BRD1: variants seen among roughly 807,000 people sequenced by gnomAD.
BRD1 encodes bromodomain containing 1, also known as bromodomain-containing protein 1.
In BRD1, 24 loss-of-function variants were observed where a neutral mutation model predicts 107.7. That is an observed-to-expected ratio of 0.22 (90% CI 0.16 to 0.31). BRD1 has a LOEUF of 0.31. Ranked by LOEUF, BRD1 falls within the 10% of genes least tolerant of loss-of-function variation. BRD1 has a pLI of 1.00. For missense variants in BRD1, 1,279 were observed against 1,638.6 expected (o/e 0.78, Z 3.79); for synonymous variants, 744 against 686.1 (o/e 1.08, Z -1.32).
chr22:49,778,934 T>C (rs1442134693), intron 8 of BRD1, among the ~76,000 whole-genome samples: 2 of 152,210 alleles, frequency 1.3e-5, no homozygotes, highest in African/African-American at 2.4e-5. Flanking sequence ...GTGCTGGGAT[T>C]ACAGGCATGA....
At chr22:49,776,232 TGCA>T in intron 10 of BRD1, 73 bp from the exon 11 acceptor site, 1 of 1,374,400 alleles carries the variant, frequency 7.3e-7, no homozygotes, top group Admixed American at 1.9e-5. Flanking sequence ...CCACAAAAGG[TGCA>T]GCAACAGGGT....
chr22:49,821,760 A>G (rs1351415190), intron 2 of BRD1, among the ~76,000 whole-genome samples: 1 of 152,178 alleles, frequency 6.6e-6, no homozygotes, highest in African/African-American at 2.4e-5. Context: ...CATGTGGGGC[A>G]GGTCTGACAC....
chr22:49,774,328 T>C lies in BRD1; in HGVS notation c.3475A>G (p.Ile1159Val), dbSNP rs761118359. 6.2e-7 allele frequency: 1 copy of C among 1,614,232 alleles called. No individual in the cohort carries two copies. The highest frequency in any genetic ancestry group is 8.5e-7 in the Non-Finnish European group (1 of 1,180,034). ...AAAGCGATCCGCACGGCCTTCCGGA[T>C]GCTGGAATTCCTCCCTTCCATCATC... ...LKMMEGRNSSIRKAVRIAFDR... is the reference protein window; with the variant it reads ...LKMMEGRNSSVRKAVRIAFDR... Residue 1159 changes from isoleucine to valine, a missense_variant, in exon 13 of 13, where the codon ATC becomes GTC. By Grantham distance (29) the Ile-to-Val change is conservative. Transcript: ENST00000404760.
At chr22:49,776,286 C>T in intron 10 of BRD1, 127 bp from the exon 11 acceptor site, 2 of 771,046 alleles carry the variant, frequency 2.6e-6, no homozygotes, top group Non-Finnish European at 4.3e-6. Context: ...CCTTTCTCAG[C>T]CACCCCGGCA....
chr22:49,779,607 C>A (rs2059164875), intron 8 of BRD1, among the ~76,000 whole-genome samples: 1 of 152,158 alleles, frequency 6.6e-6, no homozygotes, highest in South Asian at 2.1e-4. Flanking sequence ...AATTTAAAAA[C>A]CTACAGGAGA....
chr22:49,820,222 G>A (rs191432394), intron 2 of BRD1, among the ~76,000 whole-genome samples: 2 of 152,296 alleles, frequency 1.3e-5, no homozygotes, highest in Non-Finnish European at 2.9e-5. Context: ...CGTCCCTGAA[G>A]GCAGATTCTG....
chr22:49,787,927 G>A (rs1484398927), intron 7 of BRD1, 40 bp from the exon 8 acceptor site: 13 of 1,437,600 alleles, frequency 9.0e-6, no homozygotes, highest in Non-Finnish European at 1.2e-5. Flanking sequence ...GAAAACTGAA[G>A]ATTATAAAAT....
intron 10 of BRD1, among the ~76,000 whole-genome samples, chr22:49,776,832 C>T (rs1005828894): frequency 1.3e-5 from 2 of 152,238 alleles, no homozygotes; most frequent in Admixed American, 6.5e-5. Flanking sequence ...ATGGAGGAGG[C>T]GCCACCTCCG....
intron 12 of BRD1, 80 bp downstream of exon 12, chr22:49,775,511 C>G (rs1382075226): frequency 1.6e-6 from 2 of 1,263,582 alleles, no homozygotes; most frequent in East Asian, 5.6e-5. Context: ...CGCTGCTCAC[C>G]ACAGGGACAC....
intron 7 of BRD1, among the ~76,000 whole-genome samples, chr22:49,790,106 T>TGGTCAGGAACAGAGGTCGC (rs2059404371): frequency 6.6e-6 from 1 of 152,182 alleles, no homozygotes; most frequent in Non-Finnish European, 1.5e-5. Flanking sequence ...AAGGAGGCCG[T>TGGTCAGGAACAGAGGTCGC]GGTCAGGAAC....
chr22:49,819,796 A>T (rs549045609), intron 2 of BRD1, among the ~76,000 whole-genome samples: 7 of 152,000 alleles, frequency 4.6e-5, no homozygotes, highest in Non-Finnish European at 7.4e-5. Context: ...ATTTAATCAT[A>T]GTATATCAAA....
Position 49,777,381 on chromosome 22 carries a change from C to T in BRD1, c.2994-220G>A, listed in dbSNP as rs147065222. Reference sequence around the variant, plus strand: ...GCCTTCACAGGGCAGACAGGCAGGGCTGTGCTCATTGCCAGATTCTGGGAG... The same window carrying T: ...GCCTTCACAGGGCAGACAGGCAGGGTTGTGCTCATTGCCAGATTCTGGGAG... On this transcript the variant is annotated intron_variant, in intron 9 of 12. Transcript: ENST00000404760. 3.7e-3 allele frequency among the ~76,000 whole-genome samples: 562 copies of T among 152,360 alleles called. 5 individuals carry two copies. The highest frequency in any genetic ancestry group is 0.013 in the African/African-American group (542 of 41,598).
At chr22:49,808,900 T>C (rs367855960) in intron 2 of BRD1, among the ~76,000 whole-genome samples, 44 of 152,090 alleles carry the variant, frequency 2.9e-4, no homozygotes, top group East Asian at 1.9e-4. Context: ...AGGCAGATCA[T>C]GAGGTCAGGA....
chr22:49,777,154 C>T lies in BRD1; in HGVS notation c.3001G>A (p.Ala1001Thr). Residue 1001 changes from alanine to threonine, a missense_variant, in exon 10 of 13, where the codon GCG (alanine) becomes ACG (threonine). Coordinates refer to ENST00000404760, the MANE Select transcript of BRD1 (RefSeq NM_001304808.3). ...GGTTTGCCCCGCCCACATTTGGGCGCATTAAAGCTTCGGGAGGAAGAGCAG... is the reference window on the plus strand; with the variant it reads ...GGTTTGCCCCGCCCACATTTGGGCGTATTAAAGCTTCGGGAGGAAGAGCAG... ...NSPLCDSSFN[A>T]PKCGRGKPAL... 1 of 1,613,068 alleles carries T rather than the reference C, an allele frequency of 6.2e-7. No individual in the cohort carries two copies. Among genetic ancestry groups the T allele is most frequent in the Non-Finnish European group, 8.5e-7 (1 of 1,179,958 alleles).
chr22:49,791,228 T>C (rs2059427421), intron 7 of BRD1, among the ~76,000 whole-genome samples: 1 of 152,218 alleles, frequency 6.6e-6, no homozygotes, highest in Non-Finnish European at 1.5e-5. Context: ...CCCGAACCTC[T>C]GCACTCGGCA....
chr22:49,810,653 A>G lies in BRD1; in HGVS notation c.1368-6293T>C, dbSNP rs116229701. ...AAGAAGTCAGCTAACCAATGAAAAC[A>G]TGGCAAAGATCTGAACAGACATTTC... On this transcript the variant is annotated intron_variant, in intron 2 of 12. Transcript: ENST00000404760. Among the ~76,000 whole-genome samples, 815 of 152,362 alleles carry G rather than the reference A, an allele frequency of 5.3e-3. 2 individuals carry two copies. Among genetic ancestry groups the G allele is most frequent in the African/African-American group, 0.018 (758 of 41,588 alleles).
At chr22:49,777,573 A>C in intron 9 of BRD1, 105 bp downstream of exon 9, 1 of 1,477,164 alleles carries the variant, frequency 6.8e-7, no homozygotes, top group Non-Finnish European at 9.1e-7. Flanking sequence ...AATTTTTCAG[A>C]GAACACTAAG....
chr22:49,824,652 G>A lies in BRD1; in HGVS notation c.-14-321C>T. The A allele has an allele frequency of 2.6e-6, 3 of 1,147,280 alleles. No individual in the cohort carries two copies. The highest frequency in any genetic ancestry group is 2.4e-5 in the South Asian group (1 of 41,086). 71.1% of individuals were successfully genotyped at this position (1,147,280 alleles called of 1,614,324 possible). On this transcript the variant is annotated intron_variant, in intron 1 of 12. Coordinates refer to ENST00000404760, the MANE Select transcript of BRD1 (RefSeq NM_001304808.3). The surrounding 1 kb of genome is among the most constrained non-coding windows in gnomAD (Gnocchi z 5.9). ...GGAGACCACAGCAACGCTCCCCAAG[G>A]AGGAGGGGTCCGGCCCAGAGCCCAC...
rs903464951 is a variant in BRD1 at position 49,783,004 on chromosome 22, C to T, written c.2857+4386G>A. On this transcript the variant is annotated intron_variant, in intron 8 of 12. Transcript: ENST00000404760. This position sits in a 1 kb window ranked among gnomAD's most constrained non-coding sequence, Gnocchi z 4.2. ...TGCTGGGACCTGCTCCATGACAATG[C>T]AGCTGGGACGGTCAGAGACAGACCC... 1.2e-4 allele frequency among the ~76,000 whole-genome samples: 18 copies of T among 147,026 alleles called. No homozygotes were observed. Among genetic ancestry groups the T allele is most frequent in the Non-Finnish European group, 2.3e-4 (15 of 66,638 alleles).
Sources: gnomAD v4.1 joint callset for allele counts (sites outside exome capture counted in the v4.1 genomes callset) on GRCh38, gnomAD v4.1.1 for gene constraint, Gnocchi (gnomAD v3.1) non-coding constraint, MANE v1.5 for transcripts, NCBI Gene and HGNC (gene_info 2026-07-23, HGNC 2026-07-21) for gene names.